The following GALNT17 variants were observed in gnomAD, a reference collection of about 807,000 sequenced individuals.
GALNT17 encodes the protein polypeptide N-acetylgalactosaminyltransferase 17.
In GALNT17, 29 loss-of-function variants were observed where a neutral mutation model predicts 63.7. That is an observed-to-expected ratio of 0.46 (90% CI 0.34 to 0.62). The LOEUF (loss-of-function observed/expected upper bound fraction) is 0.62, where lower values mean the gene tolerates loss of function less well. GALNT17 is among the 20% of genes least tolerant of loss of function. The probability of loss-of-function intolerance (pLI) is 0.01; values close to 1 mark genes in which losing one functional copy is unlikely to be tolerated. For missense variants in GALNT17, 603 were observed against 799.6 expected, an observed-to-expected ratio of 0.75 and a Z score of 2.97; for synonymous variants, 305 against 318.3, an observed-to-expected ratio of 0.96 and a Z score of 0.45.
chr7:71,489,246 G>A (rs7808818), intron 5 of GALNT17, among the ~76,000 whole-genome samples: 68,210 of 151,854 alleles, frequency 0.45, 16,725 homozygotes, highest in Non-Finnish European at 0.56. Context: ...TGGCTCTAGG[G>A]GCCACACTCT....
intron 1 of GALNT17, among the ~76,000 whole-genome samples, chr7:71,171,832 G>A (rs1369903763): frequency 2.6e-5 from 4 of 152,162 alleles, no homozygotes; most frequent in Admixed American, 2.6e-4. Context: ...AAAGAGATGG[G>A]CAATATCATG....
At chr7:71,682,787 G>A (rs1470999281) in intron 9 of GALNT17, among the ~76,000 whole-genome samples, 1 of 152,006 alleles carries the variant, frequency 6.6e-6, no homozygotes, top group Non-Finnish European at 1.5e-5. Context: ...CCTGACCTCT[G>A]GAACTCCTGA....
At chr7:71,571,486 C>T in intron 6 of GALNT17, 84 bp downstream of exon 6, 1 of 1,132,538 alleles carries the variant, frequency 8.8e-7, no homozygotes, top group South Asian at 1.3e-5. Flanking sequence ...GTATTTAAAG[C>T]TCCTTACAGC....
rs377207048 is a variant in GALNT17, at chr7:71,705,415, G to A, written c.1501-5346G>A. ...TGAAACCCCGGTTCATTGCTGGTGG[G>A]AGTGTAAAATGGTACAGCTGCTTTG... On this transcript the variant is annotated intron_variant, in intron 9 of 10. Transcript: ENST00000333538. Among the ~76,000 whole-genome samples, 3 of 152,160 alleles carry A rather than the reference G, an allele frequency of 2.0e-5. No homozygotes were observed. The East Asian group carries it at 5.8e-4, about 29-fold the overall frequency.
intron 5 of GALNT17, among the ~76,000 whole-genome samples, chr7:71,488,169 TA>T (rs1343277575): frequency 0.085 from 10,554 of 123,488 alleles, 900 homozygotes; most frequent in African/African-American, 0.25. Flanking sequence ...CCCTATCTCT[TA>T]AAAAAAAAAA....
intron 1 of GALNT17, among the ~76,000 whole-genome samples, chr7:71,178,440 A>G (rs1258733315): frequency 6.6e-6 from 1 of 151,988 alleles, no homozygotes; most frequent in Non-Finnish European, 1.5e-5. Context: ...TCTTTCACTA[A>G]ATCTGTAAGT....
intron 5 of GALNT17, among the ~76,000 whole-genome samples, chr7:71,481,320 G>C (rs761516337): frequency 2.6e-5 from 4 of 152,116 alleles, no homozygotes; most frequent in Non-Finnish European, 4.4e-5. Context: ...GGTGGTGGGT[G>C]CACATGTGTA....
At chr7:71,500,736 G>A (rs1788167415) in intron 5 of GALNT17, among the ~76,000 whole-genome samples, 3 of 152,002 alleles carry the variant, frequency 2.0e-5, no homozygotes, top group East Asian at 1.9e-4. Flanking sequence ...TTTAGATTCC[G>A]GGGACCCTCA....
intron 5 of GALNT17, among the ~76,000 whole-genome samples, chr7:71,480,032 A>T (rs1158082170): frequency 6.6e-6 from 1 of 151,520 alleles, no homozygotes; most frequent in East Asian, 1.9e-4. Context: ...CATCTGATGG[A>T]CTCCCAATAT....
intron 9 of GALNT17, among the ~76,000 whole-genome samples, chr7:71,707,102 T>C (rs1791731636): frequency 6.6e-6 from 1 of 152,112 alleles, no homozygotes; most frequent in Non-Finnish European, 1.5e-5. Context: ...TCTTGCAGAG[T>C]TGTTGGGAAA....
chr7:71,465,297 T>C (rs1787516869), intron 5 of GALNT17, among the ~76,000 whole-genome samples: 1 of 152,118 alleles, frequency 6.6e-6, no homozygotes, highest in South Asian at 2.1e-4. Flanking sequence ...TAAACTAAAT[T>C]CCTTCCCTAG....
chr7:71,204,598 C>T (rs1789236359), intron 1 of GALNT17, among the ~76,000 whole-genome samples: 1 of 149,286 alleles, frequency 6.7e-6, no homozygotes, highest in African/African-American at 2.5e-5. Context: ...CAGAGTCTCA[C>T]CCTGTTGCCC....
chr7:71,596,959 A>C (rs1789895680), intron 6 of GALNT17, among the ~76,000 whole-genome samples: 1 of 152,044 alleles, frequency 6.6e-6, no homozygotes, highest in Non-Finnish European at 1.5e-5. Context: ...AGGCCCATGC[A>C]GGAGAATCAC....
At chr7:71,478,884 G>A (rs968211783) in intron 5 of GALNT17, among the ~76,000 whole-genome samples, 15 of 152,280 alleles carry the variant, frequency 9.9e-5, no homozygotes, top group Admixed American at 2.0e-4. Context: ...TGGACAAAGT[G>A]GCAGCTGGAT....
intron 5 of GALNT17, among the ~76,000 whole-genome samples, chr7:71,533,840 A>G (rs960148542): frequency 1.3e-5 from 2 of 152,118 alleles, no homozygotes; most frequent in Admixed American, 6.6e-5. Context: ...CTAACCAACT[A>G]AAGTCAGGGG....
intron 9 of GALNT17, among the ~76,000 whole-genome samples, chr7:71,707,741 A>G (rs1305171333): frequency 1.3e-5 from 2 of 152,080 alleles, no homozygotes; most frequent in Non-Finnish European, 2.9e-5. Flanking sequence ...GGGCCACATG[A>G]CTCTCATCCT....
At chr7:71,247,829 G>C (rs571014947) in intron 1 of GALNT17, among the ~76,000 whole-genome samples, 11 of 152,250 alleles carry the variant, frequency 7.2e-5, no homozygotes, top group African/African-American at 2.6e-4. Context: ...TATGTCATAT[G>C]TATTGTATAT....
intron 1 of GALNT17, among the ~76,000 whole-genome samples, chr7:71,266,499 T>G (rs1366825446): frequency 2.6e-5 from 4 of 152,310 alleles, no homozygotes; most frequent in African/African-American, 9.6e-5. Context: ...ATTTTAAGTT[T>G]CCTGAGCTTC....
At chr7:71,512,122 C>T (rs922381489) in intron 5 of GALNT17, among the ~76,000 whole-genome samples, 1 of 151,542 alleles carries the variant, frequency 6.6e-6, no homozygotes, top group African/African-American at 2.4e-5. Context: ...CCCGCCTCAG[C>T]CTCCCAAGTA....
Sources: allele counts gnomAD v4.1 joint callset (sites outside exome capture counted in the v4.1 genomes callset), GRCh38; gene constraint gnomAD v4.1.1; transcripts MANE v1.5; gene names NCBI Gene and HGNC (gene_info 2026-07-23, HGNC 2026-07-21).